Variants in KIF13B observed in about 807,000 individuals in gnomAD.
The protein encoded by KIF13B is kinesin family member 13B, also known as kinesin-like protein KIF13B.
In KIF13B, 127 loss-of-function variants were observed where a neutral mutation model predicts 222.0. The observed-to-expected ratio is 0.57, with a 90% CI of 0.50 to 0.66. The LOEUF (loss-of-function observed/expected upper bound fraction) is 0.66, where lower values mean the gene tolerates loss of function less well. Ranked by LOEUF, KIF13B falls within the 30% of genes least tolerant of loss-of-function variation. The pLI is 0.00. For missense variants in KIF13B, 2,173 were observed against 2,379.0 expected, an observed-to-expected ratio of 0.91 and a Z score of 1.80; for synonymous variants, 976 against 919.0, an observed-to-expected ratio of 1.06 and a Z score of -1.12.
intron 2 of KIF13B, among the ~76,000 whole-genome samples, chr8:29,226,747 A>G (rs563887155): frequency 7.2e-4 from 109 of 152,288 alleles, no homozygotes; most frequent in Admixed American, 1.3e-3. Flanking sequence ...TCACTTCCAT[A>G]TTTTAAATTT....
chr8:29,094,845 C>A (rs1808449489), intron 36 of KIF13B, among the ~76,000 whole-genome samples: 1 of 149,562 alleles, frequency 6.7e-6, no homozygotes, highest in Admixed American at 6.7e-5. Context: ...AGAAAAGCAG[C>A]AGCAAATGGA....
At chr8:29,095,407 A>G (rs922031516) in intron 36 of KIF13B, among the ~76,000 whole-genome samples, 5 of 152,186 alleles carry the variant, frequency 3.3e-5, no homozygotes, top group Non-Finnish European at 5.9e-5. Context: ...CAACAACAAA[A>G]CAAAACAGTG....
At position 29,071,400 on chromosome 8, in the gene KIF13B, T is replaced by C. The variant is rs895971412; in HGVS notation, c.5218+220A>G. ...GATGGGGGGATGGGTACAGGATCTTTGTAGCCAAAATCATCAGGAATTTTC... is the reference window on the plus strand; with the variant it reads ...GATGGGGGGATGGGTACAGGATCTTCGTAGCCAAAATCATCAGGAATTTTC... On this transcript the variant is annotated intron_variant, in intron 39 of 39. Transcript: ENST00000524189. This position sits in a 1 kb window ranked among gnomAD's most constrained non-coding sequence, Gnocchi z 4.9. Among the ~76,000 whole-genome samples, 1 of 151,986 alleles carries C rather than the reference T, an allele frequency of 6.6e-6. No homozygotes were observed. Among genetic ancestry groups the C allele is most frequent in the African/African-American group, 2.4e-5 (1 of 41,358 alleles).
At chr8:29,107,622 C>T (rs1261395517) in intron 35 of KIF13B, among the ~76,000 whole-genome samples, 3 of 147,710 alleles carry the variant, frequency 2.0e-5, no homozygotes, top group Non-Finnish European at 3.0e-5. Context: ...TGCAGTGGTG[C>T]GATTTTGGCT....
At chr8:29,203,293 A>C (rs1813780697) in intron 2 of KIF13B, among the ~76,000 whole-genome samples, 1 of 152,178 alleles carries the variant, frequency 6.6e-6, no homozygotes, top group Non-Finnish European at 1.5e-5. Context: ...CCAATCTTTC[A>C]GTCTCAGGGC....
chr8:29,073,374 G>GAC lies in KIF13B; in HGVS notation c.4522-1060_4522-1059dup, dbSNP rs574912221. ...CTCTGTCTGAGTCACCCAGGCAGAG[G>GAC]ACACACACACACTCAAAGCCCACAT... is the stretch of plus-strand genomic sequence containing the variant. On this transcript the variant is annotated intron_variant, in intron 38 of 39. Coordinates refer to ENST00000524189, the MANE Select transcript of KIF13B (RefSeq NM_015254.4). Among the ~76,000 whole-genome samples the GAC allele has an allele frequency of 2.2e-3, 334 of 152,182 alleles. 2 individuals carry two copies. Among genetic ancestry groups the GAC allele is most frequent in the African/African-American group, 6.9e-3 (287 of 41,524 alleles).
intron 2 of KIF13B, among the ~76,000 whole-genome samples, chr8:29,239,541 GGAA>G (rs1815667147): frequency 6.6e-6 from 1 of 152,188 alleles, no homozygotes; most frequent in Non-Finnish European, 1.5e-5. Flanking sequence ...AAGGGGGAAC[GGAA>G]GGAGGAGGAG....
At chr8:29,245,481 A>G in intron 1 of KIF13B, 42 bp from the exon 2 acceptor site, 1 of 1,431,078 alleles carries the variant, frequency 7.0e-7, no homozygotes, top group South Asian at 1.3e-5. Context: ...TTTAAAAAGT[A>G]ATTTATTTCA....
chr8:29,258,788 G>A (rs1250218509), intron 1 of KIF13B, among the ~76,000 whole-genome samples: 1 of 152,046 alleles, frequency 6.6e-6, no homozygotes, highest in African/African-American at 2.4e-5. Flanking sequence ...TTATTTCCCT[G>A]TCATTCACCT....
upstream of KIF13B, among the ~76,000 whole-genome samples, chr8:29,263,359 A>G (rs1348034947): frequency 1.3e-5 from 2 of 152,280 alleles, no homozygotes; most frequent in Non-Finnish European, 2.9e-5. Context: ...GTAAGCCTTC[A>G]AGAGCTGATA....
In KIF13B at chr8:29,075,358, G is replaced by GTGCA; in HGVS notation, c.4459-19_4459-16dup. On this transcript the variant is annotated splice_polypyrimidine_tract_variant and intron_variant, in intron 37 of 39. Coordinates refer to ENST00000524189, the MANE Select transcript of KIF13B (RefSeq NM_015254.4). ...CGGGGCACGGGCTGAGGAGGCAAGT[G>GTGCA]TGCAGGTCAGGGGTCGAGAGGACAG... The GTGCA allele has an allele frequency of 7.1e-6, 11 of 1,554,492 alleles. No individual in the cohort carries two copies. The highest frequency in any genetic ancestry group is 9.6e-6 in the Non-Finnish European group (11 of 1,148,650).
intron 23 of KIF13B, among the ~76,000 whole-genome samples, chr8:29,131,101 T>C (rs958358857): frequency 6.6e-6 from 1 of 152,138 alleles, no homozygotes; most frequent in African/African-American, 2.4e-5. Flanking sequence ...TTCTCGCTTA[T>C]AAGTGGGAGC....
At chr8:29,116,769 T>C (rs1008587982) in intron 31 of KIF13B, 62 bp downstream of exon 31, 3 of 1,489,396 alleles carry the variant, frequency 2.0e-6, no homozygotes, top group African/African-American at 1.4e-5. Flanking sequence ...CAGCAAGCAC[T>C]GCACGGCCCT....
At chr8:29,200,673 AC>A (rs1404587251) in intron 2 of KIF13B, among the ~76,000 whole-genome samples, 1 of 152,104 alleles carries the variant, frequency 6.6e-6, no homozygotes, top group Non-Finnish European at 1.5e-5. Flanking sequence ...TTTGCCAATT[AC>A]CCCCACTAAT....
intron 2 of KIF13B, among the ~76,000 whole-genome samples, chr8:29,225,921 T>C (rs1009056635): frequency 2.0e-5 from 3 of 152,202 alleles, no homozygotes; most frequent in African/African-American, 4.8e-5. Flanking sequence ...TGCTAGTAGT[T>C]TGCAAGAACT....
Position 29,165,785 on chromosome 8 carries a change from T to C in KIF13B, c.1159-13A>G, listed in dbSNP as rs1811969180. On this transcript the variant is annotated splice_polypyrimidine_tract_variant and intron_variant, in intron 11 of 39. Transcript: ENST00000524189. ...GAGATTTCATTGCCTACAAGCAAAA[T>C]GTTTACTTCATGAAATGTCTAGAAG... 1.3e-6 allele frequency: 2 copies of C among 1,566,820 alleles called. No homozygotes were observed.
intron 1 of KIF13B, among the ~76,000 whole-genome samples, chr8:29,257,671 G>A (rs976100822): frequency 6.6e-6 from 1 of 152,072 alleles, no homozygotes; most frequent in African/African-American, 2.4e-5. Context: ...GACAGACATG[G>A]TTGTGCACAC....
intron 29 of KIF13B, among the ~76,000 whole-genome samples, chr8:29,120,944 T>C (rs1586806174): frequency 1.8e-5 from 1 of 55,288 alleles, no homozygotes; most frequent in East Asian, 6.8e-4. Context: ...TGATGAGCAT[T>C]TCTTCATGTG....
rs550242358 is a variant in KIF13B, at chr8:29,236,015, C to CA, written c.149+9330dup. On this transcript the variant is annotated intron_variant, in intron 2 of 39. Transcript: ENST00000524189. ...TTATTAATTCATCCACAGGACAGAA[C>CA]AAATGATCCGGCTTCTTCAACAACT... is the stretch of plus-strand genomic sequence containing the variant. Among the ~76,000 whole-genome samples, 216 of 152,292 alleles carry CA rather than the reference C, an allele frequency of 1.4e-3. 1 individual carries two copies. The highest frequency in any genetic ancestry group is 5.1e-3 in the African/African-American group (213 of 41,570).
Sources: allele counts gnomAD v4.1 joint callset (sites outside exome capture counted in the v4.1 genomes callset), GRCh38; gene constraint gnomAD v4.1.1; non-coding constraint Gnocchi (gnomAD v3.1); transcripts MANE v1.5; gene names NCBI Gene and HGNC (gene_info 2026-07-23, HGNC 2026-07-21).